NDUFA8: variants seen among roughly 807,000 people sequenced by gnomAD.
NDUFA8 encodes NADH:ubiquinone oxidoreductase subunit A8.
A neutral mutation model predicts 20.9 loss-of-function variants in NDUFA8; 16 were observed. The observed-to-expected ratio is 0.77, with a 90% CI of 0.52 to 1.16. The LOEUF (loss-of-function observed/expected upper bound fraction) is 1.16, where lower values mean the gene tolerates loss of function less well. NDUFA8 is among the 50% of genes most tolerant of loss of function. The pLI is 0.00. For missense variants in NDUFA8, 202 were observed against 216.4 expected (o/e 0.93, Z 0.42); for synonymous variants, 70 against 76.1 (o/e 0.92, Z 0.41).
At chr9:122,144,477 G>T in intron 3 of NDUFA8, 99 bp from the exon 4 acceptor site, 1 of 1,085,914 alleles carries the variant, frequency 9.2e-7, no homozygotes, top group Non-Finnish European at 1.4e-6. Flanking sequence ...TGCTCCCGCT[G>T]CTACAACTGC....
chr9:122,138,874 G>GGGA, the NDUFA8 span, among the ~76,000 whole-genome samples: 4 of 138,742 alleles, frequency 2.9e-5, no homozygotes, highest in Non-Finnish European at 4.7e-5. Flanking sequence ...GTGGGGGGGG[G>GGGA]GCCATCTGAG....
At chr9:122,147,836 G>T (rs1971583) in intron 3 of NDUFA8, among the ~76,000 whole-genome samples, 113,067 of 151,876 alleles carry the variant, frequency 0.74, 42,586 homozygotes, top group African/African-American at 0.83. Context: ...CCATGTTAGC[G>T]AGGATGGTCT....
intron 1 of NDUFA8, 105 bp downstream of exon 1, chr9:122,159,522 A>C: frequency 7.2e-7 from 1 of 1,393,964 alleles, no homozygotes; most frequent in Non-Finnish European, 1.0e-6. Flanking sequence ...AGGACTGGGG[A>C]GGGGGGCCCG....
chr9:122,156,177 T>A (rs1026930762), intron 1 of NDUFA8, among the ~76,000 whole-genome samples: 1 of 152,244 alleles, frequency 6.6e-6, no homozygotes, highest in African/African-American at 2.4e-5. Context: ...CTGTTTACCA[T>A]GAATACCGTC....
intron 1 of NDUFA8, among the ~76,000 whole-genome samples, chr9:122,159,265 C>T (rs758074177): frequency 6.6e-6 from 1 of 152,116 alleles, no homozygotes; most frequent in Non-Finnish European, 1.5e-5. Flanking sequence ...ACTGTGAGCC[C>T]CTAGGGTTGT....
intron 3 of NDUFA8, 144 bp downstream of exon 3, chr9:122,147,968 T>C (rs1828930934): frequency 1.9e-6 from 2 of 1,057,450 alleles, no homozygotes; most frequent in Admixed American, 3.6e-5. Flanking sequence ...GGATTGTGTA[T>C]AATCACTGCC....
chr9:122,143,753 T>C (rs777886499), downstream of NDUFA8, among the ~76,000 whole-genome samples: 42 of 152,222 alleles, frequency 2.8e-4, no homozygotes, highest in Non-Finnish European at 4.4e-4. Context: ...TTTCTGCACT[T>C]CTATCCTGGA....
chr9:122,154,079 C>G (rs963075279), intron 1 of NDUFA8, among the ~76,000 whole-genome samples: 1 of 152,196 alleles, frequency 6.6e-6, no homozygotes, highest in Non-Finnish European at 1.5e-5. Flanking sequence ...TTAAGAGCCC[C>G]TGAGTGGTCT....
chr9:122,150,170 C>A (rs1828970467), intron 2 of NDUFA8, among the ~76,000 whole-genome samples: 2 of 152,020 alleles, frequency 1.3e-5, no homozygotes, highest in Non-Finnish European at 2.9e-5. Flanking sequence ...CGCTTGTAAT[C>A]CCAGCACTTT....
chr9:122,152,450 C>A, intron 1 of NDUFA8, 42 bp from the exon 2 acceptor site: 1 of 1,597,746 alleles, frequency 6.3e-7, no homozygotes, highest in South Asian at 1.1e-5. Context: ...GACTGTGAAC[C>A]AGAATACCAC....
intron 3 of NDUFA8, among the ~76,000 whole-genome samples, chr9:122,145,388 G>A (rs1828891627): frequency 6.6e-6 from 1 of 152,124 alleles, no homozygotes; most frequent in Admixed American, 6.6e-5. Context: ...AATCTCAACT[G>A]GAAAGCCAGC....
chr9:122,138,053 G>A, the NDUFA8 span, among the ~76,000 whole-genome samples: 2 of 152,194 alleles, frequency 1.3e-5, no homozygotes, highest in African/African-American at 2.4e-5. Context: ...GGTGCTGTGT[G>A]TTCAACAATC....
At chr9:122,159,198 CACTCTA>C in intron 1 of NDUFA8, among the ~76,000 whole-genome samples, 4 of 152,266 alleles carry the variant, frequency 2.6e-5, no homozygotes, top group Admixed American at 6.5e-5. Context: ...TTCGTCACCC[CACTCTA>C]TGCACTCTGC....
intron 2 of NDUFA8, among the ~76,000 whole-genome samples, chr9:122,150,698 G>A (rs962127577): frequency 2.0e-5 from 3 of 151,942 alleles, no homozygotes; most frequent in South Asian, 2.1e-4. Context: ...GGCCAGGTGC[G>A]GTGGCTCACA....
the NDUFA8 span, among the ~76,000 whole-genome samples, chr9:122,137,414 T>A: frequency 6.6e-6 from 1 of 152,038 alleles, no homozygotes; most frequent in African/African-American, 2.4e-5. Context: ...GCTAATTTTG[T>A]ATTTTTAGTA....
intron 3 of NDUFA8, 29 bp downstream of exon 3, chr9:122,148,083 A>G (rs1828932388): frequency 6.2e-7 from 1 of 1,613,314 alleles, no homozygotes; most frequent in African/African-American, 1.3e-5. Context: ...TGAATCAGAA[A>G]GTGAGACCTC....
intron 1 of NDUFA8, among the ~76,000 whole-genome samples, chr9:122,158,749 A>G (rs1829121893): frequency 6.7e-6 from 1 of 149,270 alleles, no homozygotes; most frequent in African/African-American, 2.5e-5. Context: ...GTGTATATAT[A>G]TATATGGTAT....
rs116653976 is a variant in NDUFA8, at chr9:122,150,663, T to C, written c.215+1582A>G. Among the ~76,000 whole-genome samples the C allele has an allele frequency of 2.9e-3, 448 of 152,000 alleles. 3 individuals carry two copies. The highest frequency in any genetic ancestry group is 8.6e-3 in the African/African-American group (356 of 41,478). ...TGGTTTATCCACTGATGGAATAATA[T>C]ATAACCATTAAGAATGATGATCACG... is the stretch of plus-strand genomic sequence containing the variant. On this transcript the variant is annotated intron_variant, in intron 2 of 3. Coordinates refer to ENST00000373768, the MANE Select transcript of NDUFA8 (RefSeq NM_014222.3).
chr9:122,158,797 G>A (rs887545990), intron 1 of NDUFA8, among the ~76,000 whole-genome samples: 3 of 140,274 alleles, frequency 2.1e-5, no homozygotes, highest in African/African-American at 9.8e-5. Context: ...GTATATATAT[G>A]TGTATGTGTG....
Sources: gnomAD v4.1 joint callset for allele counts (sites outside exome capture counted in the v4.1 genomes callset) on GRCh38, gnomAD v4.1.1 for gene constraint, MANE v1.5 for transcripts, NCBI Gene and HGNC (gene_info 2026-07-23, HGNC 2026-07-21) for gene names.